ITPR1: variants seen among roughly 807,000 people sequenced by gnomAD.
ITPR1 encodes the protein inositol 1,4,5-trisphosphate-gated calcium channel ITPR1.
Under a neutral mutation model 318.4 loss-of-function variants are expected in ITPR1, and 96 were observed. The ratio of observed to expected loss-of-function variants is 0.30; its 90% CI spans 0.26 to 0.36. The LOEUF (loss-of-function observed/expected upper bound fraction) is 0.36, where lower values mean the gene tolerates loss of function less well. Ranked by LOEUF, ITPR1 falls within the 10% of genes least tolerant of loss-of-function variation. The pLI is 1.00. For synonymous variants in ITPR1, 1,312 were observed against 1,289.9 expected (o/e 1.02, Z -0.37); for missense variants, 2,440 against 3,460.2 (o/e 0.71, Z 7.40).
intron 3 of ITPR1, among the ~76,000 whole-genome samples, chr3:4,517,884 A>G (rs2082278948): frequency 6.6e-6 from 1 of 152,192 alleles, no homozygotes; most frequent in Admixed American, 6.5e-5. Flanking sequence ...TAATAAATGA[A>G]AAGCACTAAA....
intron 39 of ITPR1, among the ~76,000 whole-genome samples, chr3:4,713,814 T>A (rs2041561037): frequency 2.0e-5 from 3 of 152,156 alleles, no homozygotes; most frequent in African/African-American, 7.2e-5. Flanking sequence ...GGAGAAGAGA[T>A]GGCCTTTCTT....
intron 31 of ITPR1, among the ~76,000 whole-genome samples, chr3:4,689,536 G>A (rs1303407770): frequency 2.6e-5 from 4 of 152,170 alleles, no homozygotes; most frequent in African/African-American, 9.7e-5. Context: ...AGACTATAAT[G>A]CAAATATTCC....
chr3:4,603,450 G>A (rs1313740125), intron 4 of ITPR1, among the ~76,000 whole-genome samples: 3 of 151,750 alleles, frequency 2.0e-5, no homozygotes, highest in African/African-American at 7.3e-5. Flanking sequence ...TTGTTTTTGA[G>A]ACAGAGTCTC....
chr3:4,507,970 T>G (rs1396632884), intron 2 of ITPR1, among the ~76,000 whole-genome samples: 1 of 152,160 alleles, frequency 6.6e-6, no homozygotes, highest in Non-Finnish European at 1.5e-5. Context: ...GCGTGTGTCT[T>G]GGGTCAGTGA....
At chr3:4,588,920 A>G (rs1254636877) in intron 4 of ITPR1, among the ~76,000 whole-genome samples, 1 of 152,132 alleles carries the variant, frequency 6.6e-6, no homozygotes, top group African/African-American at 2.4e-5. Flanking sequence ...TTATAGTCCC[A>G]ATTTGCCTAC....
chr3:4,512,643 T>G (rs4685755), intron 2 of ITPR1, among the ~76,000 whole-genome samples: 31,000 of 152,096 alleles, frequency 0.2, 3,897 homozygotes, highest in Admixed American at 0.31. Context: ...CTGGAATCTT[T>G]CAGAATTCCA....
rs563348671 is a variant in ITPR1, at chr3:4,727,043, A to G, written c.5173-83A>G. ...ACTCTTGTCTATATATGAACTCTCA[A>G]TGTATTTTATATGTGACTGATGCTG... On this transcript the variant is annotated intron_variant, in intron 41 of 61. Coordinates refer to ENST00000649015, the MANE Select transcript of ITPR1 (RefSeq NM_001378452.1). 277 of 1,128,574 alleles carry G rather than the reference A, an allele frequency of 2.5e-4. 1 individual carries two copies. Among genetic ancestry groups the G allele is most frequent in the African/African-American group, 1.2e-3 (78 of 65,850 alleles). 69.9% of individuals were successfully genotyped at this position (1,128,574 alleles called of 1,614,324 possible). A position where few individuals can be genotyped will look rare whatever the true frequency, so the allele number is the denominator to read the frequency against.
At chr3:4,521,959 T>C (rs1304748996) in intron 4 of ITPR1, among the ~76,000 whole-genome samples, 2 of 152,216 alleles carry the variant, frequency 1.3e-5, no homozygotes, top group African/African-American at 4.8e-5. Flanking sequence ...CCTCCTGAAT[T>C]TGGTATCTTT....
intron 4 of ITPR1, among the ~76,000 whole-genome samples, chr3:4,540,543 C>T (rs304048): frequency 0.8 from 121,355 of 152,040 alleles, 49,564 homozygotes; most frequent in Non-Finnish European, 0.89. Context: ...TTTTCCCCCT[C>T]CTTTAAGTTT....
At chr3:4,539,472 C>T (rs2084209375) in intron 4 of ITPR1, among the ~76,000 whole-genome samples, 2 of 152,116 alleles carry the variant, frequency 1.3e-5, no homozygotes, top group Middle Eastern at 3.4e-3. Flanking sequence ...TGTTGAGAGA[C>T]ATTTGTTAAA....
chr3:4,720,345 G>C (rs147919819), intron 40 of ITPR1, among the ~76,000 whole-genome samples: 8 of 152,210 alleles, frequency 5.3e-5, no homozygotes, highest in South Asian at 2.1e-4. Flanking sequence ...GCCAGGTAGC[G>C]GCTTAGGAGA....
rs1235813889 is a variant in ITPR1, at chr3:4,622,205, C to T, written c.164-5558C>T. Among the ~76,000 whole-genome samples, 3 of 150,332 alleles carry T rather than the reference C, an allele frequency of 2.0e-5. No homozygotes were observed. In the East Asian group the frequency reaches 5.9e-4, roughly 29 times the overall value. The stretch of plus-strand genomic sequence containing the variant: ...TCTCAGCTCCCTGCAGCCTCTGCCT[C>T]CTGGGTTCAAACGATTCTCCTGCCT... On this transcript the variant is annotated intron_variant, in intron 4 of 61. Coordinates refer to ENST00000649015, the MANE Select transcript of ITPR1 (RefSeq NM_001378452.1).
At chr3:4,843,026 G>A (rs1441577300) in intron 61 of ITPR1, among the ~76,000 whole-genome samples, 1 of 151,200 alleles carries the variant, frequency 6.6e-6, no homozygotes, top group South Asian at 2.1e-4. Context: ...CAGAATTGTT[G>A]GCCTCAGTTT....
At chr3:4,521,161 G>A (rs1435847731) in intron 4 of ITPR1, 67 bp downstream of exon 4, 2 of 880,824 alleles carry the variant, frequency 2.3e-6, no homozygotes, top group Admixed American at 4.5e-5. Flanking sequence ...TGTGTTGTTG[G>A]TGTGTGTGTG....
intron 50 of ITPR1, among the ~76,000 whole-genome samples, chr3:4,783,429 C>T (rs561508149): frequency 6.6e-6 from 1 of 152,250 alleles, no homozygotes; most frequent in South Asian, 2.1e-4. Flanking sequence ...GCCCCTGTTA[C>T]CACCCACTGG....
intron 4 of ITPR1, among the ~76,000 whole-genome samples, chr3:4,526,662 C>T (rs1367897354): frequency 6.6e-6 from 1 of 152,230 alleles, no homozygotes; most frequent in African/African-American, 2.4e-5. Flanking sequence ...AGGAACCCAC[C>T]TATGAGGTGT....
chr3:4,834,936 T>C (rs191227772), intron 60 of ITPR1, among the ~76,000 whole-genome samples: 2 of 152,294 alleles, frequency 1.3e-5, no homozygotes, highest in Non-Finnish European at 1.5e-5. Flanking sequence ...GCAGTCACGA[T>C]AAGCAGCTCA....
intron 7 of ITPR1, 111 bp downstream of exon 7, chr3:4,642,362 T>G: frequency 1.3e-6 from 1 of 778,368 alleles, no homozygotes; most frequent in Non-Finnish European, 1.8e-6. Context: ...GCTTGTCCTG[T>G]GTAAAGAGAA....
At chr3:4,702,375 A>G (rs2094674141) in intron 35 of ITPR1, among the ~76,000 whole-genome samples, 1 of 152,230 alleles carries the variant, frequency 6.6e-6, no homozygotes, top group Admixed American at 6.5e-5. Flanking sequence ...GATTAAAGAC[A>G]TGGGTTCTAC....
Sources: gnomAD v4.1 joint callset for allele counts (sites outside exome capture counted in the v4.1 genomes callset) on GRCh38, gnomAD v4.1.1 for gene constraint, MANE v1.5 for transcripts, NCBI Gene and HGNC (gene_info 2026-07-23, HGNC 2026-07-21) for gene names.